The following TAFA4 variants were observed in gnomAD, a reference collection of about 807,000 sequenced individuals.
The protein encoded by TAFA4 is TAFA chemokine like family member 4.
TAFA4 carries 20 observed loss-of-function variants against 21.1 expected under a neutral mutation model. That is an observed-to-expected ratio of 0.95 (90% CI 0.67 to 1.38). The LOEUF is 1.38. Ranked by LOEUF, TAFA4 falls within the 40% of genes most tolerant of loss-of-function variation. TAFA4 has a pLI of 0.00. For missense variants in TAFA4, 211 were observed against 180.9 expected (o/e 1.17, Z -0.95); for synonymous variants, 71 against 67.4 (o/e 1.05, Z -0.26).
intron 3 of TAFA4, among the ~76,000 whole-genome samples, chr3:68,872,273 G>A (rs1242363827): frequency 6.6e-6 from 1 of 152,028 alleles, no homozygotes; most frequent in Non-Finnish European, 1.5e-5. Flanking sequence ...TGTAACTGAA[G>A]GTCATTATGT....
intron 1 of TAFA4, among the ~76,000 whole-genome samples, chr3:68,924,662 G>A (rs544101934): frequency 2.0e-5 from 3 of 152,250 alleles, no homozygotes; most frequent in African/African-American, 4.8e-5. Flanking sequence ...AAACAAAAAT[G>A]CTTAGTATAA....
At chr3:68,811,906 G>A (rs1441071493) in intron 3 of TAFA4, among the ~76,000 whole-genome samples, 2 of 152,088 alleles carry the variant, frequency 1.3e-5, no homozygotes, top group Admixed American at 1.3e-4. Flanking sequence ...AGGAAAAAAT[G>A]TTAAGGGCAG....
chr3:68,875,284 G>C (rs116472329), intron 3 of TAFA4, among the ~76,000 whole-genome samples: 2,583 of 151,470 alleles, frequency 0.017, 77 homozygotes, highest in African/African-American at 0.059. Context: ...CTGCAGGTCT[G>C]AGTAATCAAT....
chr3:68,849,153 C>A (rs1191061651), intron 3 of TAFA4, among the ~76,000 whole-genome samples: 1 of 152,122 alleles, frequency 6.6e-6, no homozygotes, highest in African/African-American at 2.4e-5. Flanking sequence ...ACACATATTT[C>A]CTTCTTCTCA....
chr3:68,866,689 T>A (rs927662430), intron 3 of TAFA4, among the ~76,000 whole-genome samples: 92 of 50,810 alleles, frequency 1.8e-3, no homozygotes, highest in Admixed American at 2.6e-3. Flanking sequence ...CTCTGCAAAC[T>A]CACAAAAAAA....
intron 5 of TAFA4, among the ~76,000 whole-genome samples, chr3:68,737,450 C>G (rs545441593): frequency 2.6e-5 from 4 of 152,090 alleles, no homozygotes; most frequent in Non-Finnish European, 5.9e-5. Context: ...GATATCAGAT[C>G]GTTATCCCAG....
At chr3:68,752,710 T>G (rs1035324822) in intron 4 of TAFA4, among the ~76,000 whole-genome samples, 153 bp downstream of exon 4, 2 of 152,112 alleles carry the variant, frequency 1.3e-5, no homozygotes, top group African/African-American at 4.8e-5. Flanking sequence ...CATCAAGACA[T>G]TTTTGGAGTT....
intron 3 of TAFA4, among the ~76,000 whole-genome samples, chr3:68,840,046 G>C (rs2106891894): frequency 6.6e-6 from 1 of 152,288 alleles, no homozygotes; most frequent in East Asian, 1.9e-4. Flanking sequence ...CTATGCCACT[G>C]TCTTCTCTCC....
intron 3 of TAFA4, among the ~76,000 whole-genome samples, chr3:68,863,688 G>A (rs1041154142): frequency 1.3e-5 from 2 of 152,168 alleles, no homozygotes; most frequent in Non-Finnish European, 2.9e-5. Flanking sequence ...ATTATTCAGA[G>A]CTGCACAGAT....
At position 68,819,387 on chromosome 3, in the gene TAFA4, C is replaced by T. The variant is rs571824652; in HGVS notation, c.130+61343G>A. 2.0e-5 allele frequency among the ~76,000 whole-genome samples: 3 copies of T among 151,784 alleles called. No homozygotes were observed. The South Asian group carries it at 6.3e-4, about 32-fold the overall frequency. On this transcript the variant is annotated intron_variant, in intron 3 of 5. Coordinates refer to ENST00000295569, the MANE Select transcript of TAFA4 (RefSeq NM_182522.5). ...TGTCTAACTGCTCTGTCTACAACTC[C>T]AGTATTATGTTGAGTGAAAGCAGTA...
chr3:68,844,422 G>T (rs1245361751), intron 3 of TAFA4, among the ~76,000 whole-genome samples: 2 of 149,916 alleles, frequency 1.3e-5, no homozygotes, highest in Admixed American at 1.3e-4. Flanking sequence ...TTCTTTATTA[G>T]TCTGGCTAGT....
chr3:68,904,886 T>G (rs997592467), intron 1 of TAFA4, among the ~76,000 whole-genome samples: 2 of 152,120 alleles, frequency 1.3e-5, no homozygotes, highest in South Asian at 4.1e-4. Context: ...GGCAAGAGAA[T>G]TGGTGAATGC....
At chr3:68,902,054 T>A (rs1197202322) in intron 1 of TAFA4, among the ~76,000 whole-genome samples, 2 of 152,238 alleles carry the variant, frequency 1.3e-5, no homozygotes, top group African/African-American at 4.8e-5. Context: ...CTAGAGCCTA[T>A]ATAAGAACTC....
chr3:68,773,531 T>G (rs927965793), intron 3 of TAFA4, among the ~76,000 whole-genome samples: 3 of 152,144 alleles, frequency 2.0e-5, no homozygotes, highest in African/African-American at 2.4e-5. Flanking sequence ...CCTCTACCCA[T>G]GCAGACACTG....
chr3:68,861,618 A>C (rs1334322050), intron 3 of TAFA4, among the ~76,000 whole-genome samples: 3 of 152,052 alleles, frequency 2.0e-5, no homozygotes, highest in Non-Finnish European at 2.9e-5. Flanking sequence ...GTGCCAGAGG[A>C]CACAGAGAAA....
chr3:68,917,584 C>A (rs1040929906), intron 1 of TAFA4, among the ~76,000 whole-genome samples: 3 of 151,810 alleles, frequency 2.0e-5, no homozygotes, highest in Non-Finnish European at 2.9e-5. Context: ...GAAACCCCAT[C>A]TCTACTACAA....
intron 3 of TAFA4, among the ~76,000 whole-genome samples, chr3:68,756,696 C>T (rs1018753346): frequency 2.0e-5 from 3 of 152,144 alleles, no homozygotes; most frequent in African/African-American, 7.2e-5. Context: ...CCCAGAGAAT[C>T]AAACTACCAG....
At chr3:68,832,285 C>T (rs1704416544) in intron 3 of TAFA4, among the ~76,000 whole-genome samples, 1 of 152,180 alleles carries the variant, frequency 6.6e-6, no homozygotes, top group South Asian at 2.1e-4. Flanking sequence ...TTTTCAGCCT[C>T]TCTGCTCTGG....
chr3:68,892,734 G>C (rs2089742863), intron 1 of TAFA4, among the ~76,000 whole-genome samples: 1 of 152,188 alleles, frequency 6.6e-6, no homozygotes. Flanking sequence ...CTTCATTTAA[G>C]TGCACTGATA....
Sources: allele counts gnomAD v4.1 joint callset (sites outside exome capture counted in the v4.1 genomes callset), GRCh38; gene constraint gnomAD v4.1.1; transcripts MANE v1.5; gene names NCBI Gene and HGNC (gene_info 2026-07-23, HGNC 2026-07-21).